The following SLCO4A1 variants were observed in gnomAD, a reference collection of about 807,000 sequenced individuals.
SLCO4A1 encodes colon organic anion transporter.
Under a neutral mutation model 64.6 loss-of-function variants are expected in SLCO4A1, and 51 were observed. The observed-to-expected ratio is 0.79, with a 90% CI of 0.63 to 1.00. The LOEUF (loss-of-function observed/expected upper bound fraction) is 1.00. SLCO4A1 is among the 50% of genes least tolerant of loss of function. The pLI is 0.00. For missense variants in SLCO4A1, 919 were observed against 980.5 expected, an observed-to-expected ratio of 0.94 and a Z score of 0.84; for synonymous variants, 471 against 444.9, an observed-to-expected ratio of 1.06 and a Z score of -0.74.
intron 1 of SLCO4A1, among the ~76,000 whole-genome samples, chr20:62,655,712 TGGC>T (rs1468056117): frequency 1.5e-4 from 23 of 152,306 alleles, no homozygotes; most frequent in Non-Finnish European, 2.5e-4. Flanking sequence ...GGCCGGAGCT[TGGC>T]GGCCGGGGGT....
chr20:62,668,057 T>C lies in SLCO4A1; in HGVS notation c.1684T>C (p.Phe562Leu). The change falls in exon 9 of 12, where the codon TTT becomes CTT. Residue 562 changes from phenylalanine (F) to leucine (L), a missense_variant. By Grantham distance (22) the Phe-to-Leu change is conservative. Transcript: ENST00000217159. ...SCIPQNLSSGFGHATAGKCTS... is the reference protein window; with the variant it reads ...SCIPQNLSSGLGHATAGKCTS... ...TATCCCTCAGAATCTTTCCTCTGGT[T>C]TTGGCCATGCCACTGCAGGGAAATG... 6.2e-7 allele frequency: 1 copy of C among 1,614,020 alleles called. No individual in the cohort carries two copies. Among genetic ancestry groups the C allele is most frequent in the Non-Finnish European group, 8.5e-7 (1 of 1,180,044 alleles).
chr20:62,685,472 C>A lies in SLCO4A1; in HGVS notation n.243C>A. On this transcript the variant is annotated non_coding_transcript_exon_variant, in exon 3 of 3. Coordinates refer to the SLCO4A1 transcript ENST00000466818. The surrounding 1 kb of genome is among the most constrained non-coding windows in gnomAD (Gnocchi z 4.6). ...GAGAATGAATTTAGAAGGCTGTAAA[C>A]CCCATCTGAGCCTTACACATAGATC... The A allele has an allele frequency of 1.0e-6, 1 of 983,408 alleles. No individual in the cohort carries two copies. Among genetic ancestry groups the A allele is most frequent in the Non-Finnish European group, 1.2e-6 (1 of 828,096 alleles). 60.9% of individuals were successfully genotyped at this position (983,408 alleles called of 1,614,324 possible).
chr20:62,687,664 C>T (rs1250020625), downstream of SLCO4A1, among the ~76,000 whole-genome samples: 1 of 152,218 alleles, frequency 6.6e-6, no homozygotes, highest in Non-Finnish European at 1.5e-5. Context: ...GCCCCAAGGG[C>T]AGGGCTGGGC....
chr20:62,685,480 G>A lies in SLCO4A1; in HGVS notation n.251G>A, dbSNP rs974753601. On this transcript the variant is annotated non_coding_transcript_exon_variant, in exon 3 of 3. Transcript: ENST00000466818. The surrounding 1 kb of genome is among the most constrained non-coding windows in gnomAD (Gnocchi z 4.6). ...ATTTAGAAGGCTGTAAACCCCATCTGAGCCTTACACATAGATCTCCTTGAA... is the reference window on the plus strand; with the variant it reads ...ATTTAGAAGGCTGTAAACCCCATCTAAGCCTTACACATAGATCTCCTTGAA... The A allele has an allele frequency of 2.0e-6, 2 of 980,662 alleles. No homozygotes were observed. Among genetic ancestry groups the A allele is most frequent in the Non-Finnish European group, 2.4e-6 (2 of 825,538 alleles). 60.7% of individuals were successfully genotyped at this position (980,662 alleles called of 1,614,324 possible). A position where few individuals can be genotyped will look rare whatever the true frequency, so the allele number is the denominator to read the frequency against.
At position 62,661,041 on chromosome 20, in the gene SLCO4A1, C is replaced by CCCCCCCCCCCCCCCAAA; in HGVS notation, c.1010-23_1010-22insCCCCCCCCCCCCCCAAA. On this transcript the variant is annotated intron_variant, in intron 4 of 11. Coordinates refer to ENST00000217159, the MANE Select transcript of SLCO4A1 (RefSeq NM_016354.4). The surrounding 1 kb of genome is among the most constrained non-coding windows in gnomAD (Gnocchi z 5.2). ...TCCGGGAGCCCCCAGCCCCCAGCCCCAGCTCACTCTGTGCCCTTCCAGGCT... is the reference window on the plus strand; with the variant it reads ...TCCGGGAGCCCCCAGCCCCCAGCCCCCCCCCCCCCCCCCCAAAAGCTCACTCTGTGCCCTTCCAGGCT... The CCCCCCCCCCCCCCCAAA allele has an allele frequency of 1.1e-5, 16 of 1,424,130 alleles. No homozygotes were observed. The highest frequency in any genetic ancestry group is 1.5e-5 in the Non-Finnish European group (15 of 1,010,128). The allele number at this position is 1,424,130 out of a possible 1,614,324, so 88.2% of individuals were successfully genotyped here. A position where few individuals can be genotyped will look rare whatever the true frequency, so the allele number is the denominator to read the frequency against.
At position 62,644,822 on chromosome 20, in the gene SLCO4A1, AGATG is replaced by A. The variant is rs1192115876; in HGVS notation, c.-97+2271_-97+2274del. On this transcript the variant is annotated intron_variant, in intron 1 of 11. Transcript: ENST00000217159. The surrounding 1 kb of genome is among the most constrained non-coding windows in gnomAD (Gnocchi z 5.4). ...GTTGGGTCCTGGTGCTCTCCCCAGC[AGATG>A]GTTGTAGGTGGTCAGAGATGAGCCA... Among the ~76,000 whole-genome samples the A allele has an allele frequency of 6.6e-6, 1 of 152,178 alleles. No individual in the cohort carries two copies. Among genetic ancestry groups the A allele is most frequent in the Non-Finnish European group, 1.5e-5 (1 of 68,026 alleles).
rs1205742220 is a variant in SLCO4A1, at chr20:62,661,635, AC to A, written c.1121+466del. On this transcript the variant is annotated intron_variant, in intron 5 of 11. Coordinates refer to ENST00000217159, the MANE Select transcript of SLCO4A1 (RefSeq NM_016354.4). This position sits in a 1 kb window ranked among gnomAD's most constrained non-coding sequence, Gnocchi z 5.2. Reference sequence around the variant, plus strand: ...TTTCATCAGGTGTCACCTGTGCCGTACCCCCCGGGCCCTGGGATGCTGCCCC... The same window carrying A: ...TTTCATCAGGTGTCACCTGTGCCGTACCCCCGGGCCCTGGGATGCTGCCCC... Among the ~76,000 whole-genome samples the A allele has an allele frequency of 3.1e-5, 4 of 129,200 alleles. No individual in the cohort carries two copies. The highest frequency in any genetic ancestry group is 1.2e-4 in the African/African-American group (4 of 34,148). 84.8% of individuals were successfully genotyped at this position (129,200 alleles called of 152,430 possible).
downstream of SLCO4A1, among the ~76,000 whole-genome samples, chr20:62,689,343 CTT>C (rs1377254778): frequency 1.4e-4 from 22 of 152,268 alleles, no homozygotes; most frequent in Middle Eastern, 3.4e-3. Context: ...AGGCCTGTCT[CTT>C]GGGCAGAGTG....
chr20:62,655,731 C>T lies in SLCO4A1; in HGVS notation c.-96-628C>T, dbSNP rs138841407. ...GGAGCTTGGCGGCCGGGGGTGTTTC[C>T]GGTGCTGGGGGCTCACGTGGCCCAG... On this transcript the variant is annotated intron_variant, in intron 1 of 11. Transcript: ENST00000217159. Among the ~76,000 whole-genome samples the T allele has an allele frequency of 2.4e-4, 36 of 152,306 alleles. No individual in the cohort carries two copies. The East Asian group carries it at 3.7e-3, about 16-fold the overall frequency.
rs371626762 is a variant in SLCO4A1 at position 62,668,537 on chromosome 20, A to G, written c.1872A>G (p.Ile624Met). 6.2e-7 allele frequency: 1 copy of G among 1,612,916 alleles called. No individual in the cohort carries two copies. The highest frequency in any genetic ancestry group is 1.3e-5 in the African/African-American group (1 of 74,994). ...ALGIQWIVVR[I>M]LGGIPGPIAF... ...GAATCCAGTGGATTGTAGTTAGAAT[A>G]CTAGGTACTGTGCAGTGTGAGGAAG... is the stretch of plus-strand genomic sequence containing the variant. The change falls in exon 10 of 12, where the codon ATA (isoleucine) becomes ATG (methionine). Residue 624 changes from isoleucine (I) to methionine (M), a missense_variant. Coordinates refer to ENST00000217159, the MANE Select transcript of SLCO4A1 (RefSeq NM_016354.4).
At chr20:62,689,508 C>T (rs568883112), downstream of SLCO4A1, among the ~76,000 whole-genome samples, 2 of 152,324 alleles carry the variant, frequency 1.3e-5, no homozygotes, top group East Asian at 3.9e-4. Flanking sequence ...CCATGGCCTC[C>T]CAGGCTGGAT....
intron 11 of SLCO4A1, among the ~76,000 whole-genome samples, chr20:62,670,559 T>G (rs1987073797): frequency 6.6e-6 from 1 of 152,202 alleles, no homozygotes; most frequent in African/African-American, 2.4e-5. Context: ...AGTACTACCC[T>G]TAGACTCACG....
Position 62,657,229 on chromosome 20 carries a change from A to G in SLCO4A1, c.775A>G (p.Ser259Gly). ...VTYLDENVKS[S>G]CSPVYIAIFY... ...CTACCTGGATGAGAACGTCAAGTCC[A>G]GCTGCTCGCCCGTCTACATTGGTGA... The change falls in exon 2 of 12, where the codon AGC becomes GGC. Residue 259 changes from serine to glycine, a missense_variant. Ser to Gly is a moderately conservative substitution (Grantham distance 56). Transcript: ENST00000217159. The G allele has an allele frequency of 6.5e-7, 1 of 1,535,578 alleles. No individual in the cohort carries two copies. Among genetic ancestry groups the G allele is most frequent in the Non-Finnish European group, 8.8e-7 (1 of 1,135,902 alleles).
chr20:62,647,434 G>A (rs879406397), intron 1 of SLCO4A1, among the ~76,000 whole-genome samples: 3 of 152,166 alleles, frequency 2.0e-5, no homozygotes, highest in South Asian at 2.1e-4. Flanking sequence ...AAGGAGAACT[G>A]AGACCCTATG....
At chr20:62,684,712 A>AC (rs1345269016) in intron 2 of SLCO4A1, among the ~76,000 whole-genome samples, 7 of 150,310 alleles carry the variant, frequency 4.7e-5, no homozygotes, top group South Asian at 4.3e-4. Context: ...GTGCAAGCAA[A>AC]CCCCCCCACT....
intron 6 of SLCO4A1, chr20:62,666,019 G>A (rs909023102): frequency 6.3e-5 from 12 of 191,312 alleles, no homozygotes; most frequent in African/African-American, 2.3e-4. Flanking sequence ...CCCTGGAGGG[G>A]GGTCAGTGGA....
downstream of SLCO4A1, among the ~76,000 whole-genome samples, chr20:62,686,547 G>A (rs2427383): frequency 0.34 from 51,311 of 152,178 alleles, 8,842 homozygotes; most frequent in African/African-American, 0.37. Flanking sequence ...CTGAGCCCCC[G>A]AGGGCCCTCT....
chr20:62,679,108 G>A (rs966672398), intron 2 of SLCO4A1, among the ~76,000 whole-genome samples: 5 of 152,172 alleles, frequency 3.3e-5, no homozygotes, highest in Non-Finnish European at 7.4e-5. Flanking sequence ...AGAGGCTGAG[G>A]CAGGAGAATC....
chr20:62,659,918 T>C (rs1452488864), intron 3 of SLCO4A1, among the ~76,000 whole-genome samples: 1 of 152,218 alleles, frequency 6.6e-6, no homozygotes, highest in Non-Finnish European at 1.5e-5. Context: ...CCTCAGCCCA[T>C]GGTTATTTTC....
Sources: allele counts gnomAD v4.1 joint callset (sites outside exome capture counted in the v4.1 genomes callset), GRCh38; gene constraint gnomAD v4.1.1; non-coding constraint Gnocchi (gnomAD v3.1); transcripts MANE v1.5; gene names NCBI Gene and HGNC (gene_info 2026-07-23, HGNC 2026-07-21).